Variants in DNM3 observed in about 807,000 individuals in gnomAD.
DNM3 encodes dynamin 3.
DNM3 carries 47 observed loss-of-function variants against 101.6 expected under a neutral mutation model. The ratio of observed to expected loss-of-function variants is 0.46; its 90% CI spans 0.37 to 0.59. The LOEUF (loss-of-function observed/expected upper bound fraction) is 0.59, where lower values mean the gene tolerates loss of function less well. Ranked by LOEUF, DNM3 falls within the 20% of genes least tolerant of loss-of-function variation. The pLI is 0.00. For synonymous variants in DNM3, 385 were observed against 387.9 expected, an observed-to-expected ratio of 0.99 and a Z score of 0.09; for missense variants, 849 against 1,085.7, an observed-to-expected ratio of 0.78 and a Z score of 3.06.
intron 17 of DNM3, among the ~76,000 whole-genome samples, chr1:172,337,850 ATTTTATTTTATTTTAT>A (rs2066497352): frequency 7.0e-6 from 1 of 143,230 alleles, no homozygotes; most frequent in African/African-American, 2.6e-5. Context: ...ATTTTATTTT[ATTTTATTTTATTTTAT>A]TTTTATTTTA....
chr1:171,984,261 A>G (rs978405375), intron 2 of DNM3, among the ~76,000 whole-genome samples: 1 of 152,126 alleles, frequency 6.6e-6, no homozygotes, highest in Non-Finnish European at 1.5e-5. Flanking sequence ...CCTAGGTCAC[A>G]GCATGTTTCT....
intron 2 of DNM3, among the ~76,000 whole-genome samples, chr1:171,979,068 C>G (rs1395759641): frequency 6.6e-6 from 1 of 151,934 alleles, no homozygotes; most frequent in Non-Finnish European, 1.5e-5. Flanking sequence ...GTCTGGTGTA[C>G]TCCAATATTT....
intron 4 of DNM3, among the ~76,000 whole-genome samples, chr1:172,017,918 T>G (rs2047555803): frequency 6.6e-6 from 1 of 152,194 alleles, no homozygotes; most frequent in Non-Finnish European, 1.5e-5. Context: ...TTATGCCTTC[T>G]TAGAGAAATG....
chr1:172,378,685 C>T (rs2068738337), intron 17 of DNM3, among the ~76,000 whole-genome samples: 1 of 152,002 alleles, frequency 6.6e-6, no homozygotes, highest in Admixed American at 6.6e-5. Flanking sequence ...GGATTCAATT[C>T]TTTGGCCAGC....
downstream of DNM3, among the ~76,000 whole-genome samples, chr1:172,414,562 C>A (rs1484689738): frequency 6.6e-6 from 1 of 152,050 alleles, no homozygotes; most frequent in Non-Finnish European, 1.5e-5. Context: ...GAGGCACATG[C>A]CTTAGGAAAC....
chr1:171,992,659 T>C (rs1439650135), intron 4 of DNM3, among the ~76,000 whole-genome samples: 1 of 152,068 alleles, frequency 6.6e-6, no homozygotes, highest in Non-Finnish European at 1.5e-5. Flanking sequence ...GCCCCCAGTT[T>C]TTATATCCTA....
chr1:172,392,052 A>G (rs148181995), intron 20 of DNM3, among the ~76,000 whole-genome samples: 192 of 152,348 alleles, frequency 1.3e-3, no homozygotes, highest in African/African-American at 4.2e-3. Flanking sequence ...TTTAAAAAAT[A>G]TATATTATTG....
intron 12 of DNM3, among the ~76,000 whole-genome samples, chr1:172,091,554 G>A (rs1241693554): frequency 6.6e-6 from 1 of 152,162 alleles, no homozygotes; most frequent in Admixed American, 6.6e-5. Context: ...GGCTCTAAAT[G>A]GGAGTGTATT....
intron 4 of DNM3, among the ~76,000 whole-genome samples, chr1:172,017,363 GCTTT>G (rs1296716519): frequency 6.6e-6 from 1 of 151,844 alleles, no homozygotes; most frequent in Non-Finnish European, 1.5e-5. Flanking sequence ...TCTAAGCAAT[GCTTT>G]TGTTGCATTC....
chr1:172,151,076 A>G (rs902777125), intron 14 of DNM3, among the ~76,000 whole-genome samples: 5 of 152,208 alleles, frequency 3.3e-5, no homozygotes, highest in African/African-American at 4.8e-5. Context: ...GTATATGTAA[A>G]TATGTATATA....
intron 14 of DNM3, among the ~76,000 whole-genome samples, chr1:172,179,125 T>A (rs1558683982): frequency 6.6e-6 from 1 of 151,990 alleles, no homozygotes; most frequent in African/African-American, 2.4e-5. Flanking sequence ...TAATTTTGCA[T>A]TCATGAAAAG....
intron 1 of DNM3, among the ~76,000 whole-genome samples, chr1:171,918,260 T>C (rs765102066): frequency 6.6e-6 from 1 of 152,238 alleles, no homozygotes; most frequent in Non-Finnish European, 1.5e-5. Flanking sequence ...GGTTGGCGTT[T>C]GTTGCATTTC....
chr1:172,209,362 C>G (rs753344873), intron 14 of DNM3, among the ~76,000 whole-genome samples: 2 of 151,802 alleles, frequency 1.3e-5, no homozygotes, highest in Non-Finnish European at 2.9e-5. Flanking sequence ...TTTAATCCAC[C>G]CAGTCTGTGG....
intron 17 of DNM3, among the ~76,000 whole-genome samples, chr1:172,346,248 T>C (rs559033323): frequency 6.6e-6 from 1 of 152,084 alleles, no homozygotes; most frequent in Admixed American, 6.5e-5. Flanking sequence ...GAAAAGAGAA[T>C]GCATCCCAGA....
Position 172,010,390 on chromosome 1 carries a change from C to CA in DNM3, c.589+21245dup, listed in dbSNP as rs528866652. Reference sequence around the variant, plus strand: ...TTCTTGTAGGACAGGTCTCTGACAACAAATTATCTCAGCTTTTCTTTGTCT... The same window carrying CA: ...TTCTTGTAGGACAGGTCTCTGACAACAAAATTATCTCAGCTTTTCTTTGTCT... On this transcript the variant is annotated intron_variant, in intron 4 of 20. Transcript: ENST00000627582. 2.0e-5 allele frequency among the ~76,000 whole-genome samples: 3 copies of CA among 151,586 alleles called. No homozygotes were observed. In the South Asian group the frequency reaches 6.2e-4, roughly 31 times the overall value.
In DNM3 at chr1:172,038,590, A is replaced by C. The variant is rs894542028; in HGVS notation, c.992+129A>C. On this transcript the variant is annotated intron_variant, in intron 7 of 20. Coordinates refer to ENST00000627582, the MANE Select transcript of DNM3 (RefSeq NM_015569.5). The stretch of plus-strand genomic sequence containing the variant: ...CTATATGAGGCTATCTATATGATAC[A>C]AGATAACTCTTGAATTTTTATGCTT... 9 of 1,188,002 alleles carry C rather than the reference A, an allele frequency of 7.6e-6. No homozygotes were observed. The East Asian group carries it at 2.2e-4, about 28-fold the overall frequency. 73.6% of individuals were successfully genotyped at this position (1,188,002 alleles called of 1,614,324 possible).
chr1:171,912,206 C>T (rs916046182), intron 1 of DNM3, among the ~76,000 whole-genome samples: 1 of 151,852 alleles, frequency 6.6e-6, no homozygotes, highest in Non-Finnish European at 1.5e-5. Context: ...GATATTGCCC[C>T]CAACAGGGCA....
chr1:172,015,011 T>C (rs2047359521), intron 4 of DNM3, among the ~76,000 whole-genome samples: 1 of 143,370 alleles, frequency 7.0e-6, no homozygotes, highest in Admixed American at 6.8e-5. Context: ...TGTCCAGTTT[T>C]TTCAGCAAAA....
intron 20 of DNM3, chr1:172,393,029 T>C (rs1461762505): frequency 6.6e-6 from 1 of 152,198 alleles, no homozygotes; most frequent in Non-Finnish European, 1.5e-5. Flanking sequence ...TTCCAGAGTG[T>C]CTCACTCATG....
Sources: gnomAD v4.1 joint callset for allele counts (sites outside exome capture counted in the v4.1 genomes callset) on GRCh38, gnomAD v4.1.1 for gene constraint, MANE v1.5 for transcripts, NCBI Gene and HGNC (gene_info 2026-07-23, HGNC 2026-07-21) for gene names.